ARB2A: variants seen among roughly 807,000 people sequenced by gnomAD.
ARB2A encodes cotranscriptional regulator ARB2A.
chr5:93,665,605 A>G, the ARB2A span, among the ~76,000 whole-genome samples: 1 of 152,240 alleles, frequency 6.6e-6, no homozygotes, highest in African/African-American at 2.4e-5. Flanking sequence ...TTAGAATGTG[A>G]GCTGATAAAA....
the ARB2A span, among the ~76,000 whole-genome samples, chr5:94,050,567 T>A: frequency 6.6e-6 from 1 of 150,378 alleles, no homozygotes; most frequent in Admixed American, 6.6e-5. Flanking sequence ...AAACTGAGAA[T>A]ATGCTTCTAA....
the ARB2A span, among the ~76,000 whole-genome samples, chr5:93,815,905 T>C: frequency 0.81 from 123,517 of 152,096 alleles, 50,594 homozygotes; most frequent in East Asian, 0.95. Context: ...GCTCACCTTC[T>C]ATTCCCTCTA....
At chr5:93,844,891 T>G in the ARB2A span, among the ~76,000 whole-genome samples, 6 of 152,356 alleles carry the variant, frequency 3.9e-5, no homozygotes, top group Non-Finnish European at 8.8e-5. Flanking sequence ...CTGTTGAGAT[T>G]CGTGTTGCCC....
chr5:93,747,381 CAG>C, the ARB2A span, among the ~76,000 whole-genome samples: 1 of 152,056 alleles, frequency 6.6e-6, no homozygotes, highest in African/African-American at 2.4e-5. Context: ...ACAAGCCAAA[CAG>C]AGTCACACTG....
chr5:94,094,717 G>C, the ARB2A span, among the ~76,000 whole-genome samples: 1 of 151,980 alleles, frequency 6.6e-6, no homozygotes, highest in African/African-American at 2.4e-5. Context: ...AGGGTTTTTT[G>C]CACCTAGAGA....
the ARB2A span, among the ~76,000 whole-genome samples, chr5:93,794,069 C>T: frequency 3.3e-5 from 5 of 152,118 alleles, no homozygotes; most frequent in Non-Finnish European, 5.9e-5. Flanking sequence ...CTGAGTAGTG[C>T]ATCACAGTGT....
the ARB2A span, among the ~76,000 whole-genome samples, chr5:93,959,556 A>C: frequency 6.6e-6 from 1 of 152,148 alleles, no homozygotes; most frequent in Non-Finnish European, 1.5e-5. Context: ...TTTAAGGGGA[A>C]GAAGAGGAAA....
chr5:93,855,305 G>T, the ARB2A span, among the ~76,000 whole-genome samples: 91 of 151,760 alleles, frequency 6.0e-4, no homozygotes, highest in South Asian at 5.8e-3. Flanking sequence ...GTTTTCCATT[G>T]GCTTGGTAGA....
the ARB2A span, among the ~76,000 whole-genome samples, chr5:93,981,390 C>A: frequency 6.6e-6 from 1 of 151,958 alleles, no homozygotes; most frequent in Non-Finnish European, 1.5e-5. Context: ...ATTTAAGTCT[C>A]ATTTCCTCTG....
chr5:93,911,956 A>G, the ARB2A span, among the ~76,000 whole-genome samples: 1 of 151,698 alleles, frequency 6.6e-6, no homozygotes, highest in African/African-American at 2.4e-5. Flanking sequence ...AAACAATCAC[A>G]CTTTTGTAGT....
At chr5:93,800,657 G>A in the ARB2A span, among the ~76,000 whole-genome samples, 1 of 152,060 alleles carries the variant, frequency 6.6e-6, no homozygotes, top group Non-Finnish European at 1.5e-5. Context: ...TACAGGTGGT[G>A]CTATAGATTG....
chr5:93,966,413 T>G, the ARB2A span, among the ~76,000 whole-genome samples: 2 of 152,084 alleles, frequency 1.3e-5, no homozygotes, highest in Non-Finnish European at 2.9e-5. Context: ...GTACATCAGT[T>G]AATCCTCAAG....
chr5:93,772,400 T>A, the ARB2A span, among the ~76,000 whole-genome samples: 1 of 152,038 alleles, frequency 6.6e-6, no homozygotes, highest in Non-Finnish European at 1.5e-5. Flanking sequence ...GGCACATGTA[T>A]ACATATGTAA....
chr5:93,722,342 CTTTG>C, the ARB2A span, among the ~76,000 whole-genome samples: 2 of 151,976 alleles, frequency 1.3e-5, no homozygotes, highest in Non-Finnish European at 2.9e-5. Flanking sequence ...CATCTTAAAA[CTTTG>C]TTTAGTTATG....
the ARB2A span, among the ~76,000 whole-genome samples, chr5:93,991,590 T>A: frequency 1.3e-5 from 2 of 149,728 alleles, no homozygotes; most frequent in African/African-American, 2.5e-5. Context: ...TTTAAAAAAA[T>A]AAAAAATGGA....
At chr5:93,761,281 A>T in the ARB2A span, among the ~76,000 whole-genome samples, 1 of 152,150 alleles carries the variant, frequency 6.6e-6, no homozygotes, top group Non-Finnish European at 1.5e-5. Context: ...GGGAAGCACA[A>T]GGGGTCAGGG....
At chr5:93,726,613 C>G in the ARB2A span, among the ~76,000 whole-genome samples, 1 of 151,826 alleles carries the variant, frequency 6.6e-6, no homozygotes. Flanking sequence ...CCAGGATCTA[C>G]TGATCCCAGA....
At chr5:93,639,822 G>A in the ARB2A span, among the ~76,000 whole-genome samples, 3 of 151,960 alleles carry the variant, frequency 2.0e-5, no homozygotes, top group Admixed American at 6.6e-5. Flanking sequence ...CGAGGCAGGA[G>A]AATCACGAGG....
the ARB2A span, among the ~76,000 whole-genome samples, chr5:93,967,972 G>GA: frequency 1.3e-4 from 20 of 151,440 alleles, no homozygotes; most frequent in Non-Finnish European, 2.2e-4. Context: ...AAGGACCCTA[G>GA]AAAAAAAACA....
Sources: gnomAD v4.1 joint callset for allele counts (sites outside exome capture counted in the v4.1 genomes callset) on GRCh38, gnomAD v4.1.1 for gene constraint, MANE v1.5 for transcripts, NCBI Gene and HGNC (gene_info 2026-07-23, HGNC 2026-07-21) for gene names.